Variants in SPAG16 observed in about 807,000 individuals in gnomAD.
SPAG16 encodes sperm-associated antigen 16 protein.
In SPAG16, 86 loss-of-function variants were observed where a neutral mutation model predicts 80.4. The observed-to-expected ratio is 1.07, with a 90% CI of 0.90 to 1.28. SPAG16 has a LOEUF of 1.28. Among genes scored for constraint, SPAG16 ranks in the 50% most tolerant of loss-of-function variants. SPAG16 has a pLI of 0.00. For missense variants in SPAG16, 870 were observed against 765.3 expected (o/e 1.14, Z -1.61); for synonymous variants, 294 against 265.9 (o/e 1.11, Z -1.03).
chr2:214,284,557 T>C (rs1011056023), intron 15 of SPAG16, among the ~76,000 whole-genome samples: 6 of 152,236 alleles, frequency 3.9e-5, no homozygotes, highest in Non-Finnish European at 8.8e-5. Flanking sequence ...AGGAGCACTC[T>C]GCTCCTTTTG....
intron 15 of SPAG16, among the ~76,000 whole-genome samples, chr2:214,298,634 A>C (rs1033451391): frequency 1.3e-5 from 2 of 152,220 alleles, no homozygotes; most frequent in African/African-American, 2.4e-5. Context: ...AACTTAATAC[A>C]AGAAAATGGG....
At position 213,862,697 on chromosome 2, in the gene SPAG16, A is replaced by C. The variant is rs541839830; in HGVS notation, c.1214+69A>C. ...ATGTGCTCCTTTACTCTGTCTGCTCACTCTGCTGTCTTTGATGATGTTTTT... is the reference window on the plus strand; with the variant it reads ...ATGTGCTCCTTTACTCTGTCTGCTCCCTCTGCTGTCTTTGATGATGTTTTT... On this transcript the variant is annotated intron_variant, in intron 11 of 15. Coordinates refer to ENST00000331683, the MANE Select transcript of SPAG16 (RefSeq NM_024532.5). 4 of 1,534,846 alleles carry C rather than the reference A, an allele frequency of 2.6e-6. No homozygotes were observed. The South Asian group carries it at 4.6e-5, about 18-fold the overall frequency.
chr2:213,348,973 C>G (rs1273552664), intron 6 of SPAG16, among the ~76,000 whole-genome samples: 1 of 152,146 alleles, frequency 6.6e-6, no homozygotes, highest in Admixed American at 6.6e-5. Flanking sequence ...AGCCATAAAA[C>G]AAGTCTCTAT....
intron 9 of SPAG16, among the ~76,000 whole-genome samples, chr2:213,451,906 A>C (rs1325835306): frequency 6.6e-6 from 1 of 152,050 alleles, no homozygotes; most frequent in Non-Finnish European, 1.5e-5. Context: ...TTGCAGCTGC[A>C]GGTGTCCCTG....
intron 13 of SPAG16, among the ~76,000 whole-genome samples, chr2:214,095,698 A>G (rs1468346220): frequency 6.6e-6 from 1 of 152,130 alleles, no homozygotes; most frequent in Non-Finnish European, 1.5e-5. Context: ...GGAAGTAAAT[A>G]CTATCATATA....
At chr2:213,811,229 GA>G (rs1202646961) in intron 10 of SPAG16, among the ~76,000 whole-genome samples, 6 of 151,978 alleles carry the variant, frequency 3.9e-5, no homozygotes, top group Non-Finnish European at 7.4e-5. Flanking sequence ...GTAGCTCTTG[GA>G]AATACAAAAT....
chr2:213,906,553 C>G (rs2077443751), intron 11 of SPAG16, among the ~76,000 whole-genome samples: 1 of 152,034 alleles, frequency 6.6e-6, no homozygotes, highest in Non-Finnish European at 1.5e-5. Context: ...GCCTAAATAG[C>G]CAAAATAATT....
At chr2:213,565,376 G>A (rs1032070552) in intron 10 of SPAG16, among the ~76,000 whole-genome samples, 1 of 152,192 alleles carries the variant, frequency 6.6e-6, no homozygotes. Flanking sequence ...TTTGCTTCCA[G>A]CAATGAAAAC....
intron 10 of SPAG16, among the ~76,000 whole-genome samples, chr2:213,654,573 C>T (rs1403441030): frequency 7.2e-6 from 1 of 139,856 alleles, no homozygotes; most frequent in Non-Finnish European, 1.5e-5. Flanking sequence ...AAAAATTAGC[C>T]GGGTGTGGTG....
At chr2:213,789,733 G>A (rs2070571580) in intron 10 of SPAG16, among the ~76,000 whole-genome samples, 1 of 151,860 alleles carries the variant, frequency 6.6e-6, no homozygotes, top group African/African-American at 2.4e-5. Context: ...GCTCTATGAT[G>A]CTAGAATTTC....
At chr2:213,976,265 T>A (rs1304244461) in intron 12 of SPAG16, among the ~76,000 whole-genome samples, 1 of 145,318 alleles carries the variant, frequency 6.9e-6, no homozygotes, top group African/African-American at 2.5e-5. Flanking sequence ...TATACACACA[T>A]ATACATATGC....
chr2:213,351,960 T>C (rs2065353179), intron 7 of SPAG16, among the ~76,000 whole-genome samples: 1 of 152,064 alleles, frequency 6.6e-6, no homozygotes, highest in Admixed American at 6.6e-5. Flanking sequence ...AACTGAATCA[T>C]GGGGGTGGTT....
At chr2:213,852,199 T>C (rs2074940310) in intron 10 of SPAG16, among the ~76,000 whole-genome samples, 1 of 152,214 alleles carries the variant, frequency 6.6e-6, no homozygotes, top group African/African-American at 2.4e-5. Flanking sequence ...AATACCAATA[T>C]ACAAAAGCGG....
chr2:213,992,214 A>G (rs2046318479), intron 12 of SPAG16, among the ~76,000 whole-genome samples: 1 of 152,140 alleles, frequency 6.6e-6, no homozygotes, highest in East Asian at 1.9e-4. Flanking sequence ...CCAAGGTGAT[A>G]TTTTACTGAA....
intron 12 of SPAG16, among the ~76,000 whole-genome samples, chr2:213,954,048 T>C (rs2043992873): frequency 6.6e-6 from 1 of 152,018 alleles, no homozygotes; most frequent in Non-Finnish European, 1.5e-5. Flanking sequence ...TTTAGTACAT[T>C]CAGACAATTG....
At chr2:214,108,917 C>T (rs987711164) in intron 14 of SPAG16, among the ~76,000 whole-genome samples, 4 of 152,168 alleles carry the variant, frequency 2.6e-5, no homozygotes, top group South Asian at 2.1e-4. Flanking sequence ...GAATGTATCC[C>T]TCCAAGTTTA....
At position 213,352,540 on chromosome 2, in the gene SPAG16, C is replaced by T. The variant is rs2065391223; in HGVS notation, c.762+1895C>T. ...TGTACAATATTTGTGTTTCAAGTTG[C>T]TCCTTGATGGTTTAGTGGAAAGAGC... On this transcript the variant is annotated intron_variant, in intron 7 of 15. Coordinates refer to ENST00000331683, the MANE Select transcript of SPAG16 (RefSeq NM_024532.5). Among the ~76,000 whole-genome samples, 4 of 152,152 alleles carry T rather than the reference C, an allele frequency of 2.6e-5. 1 individual carries two copies. The highest frequency in any genetic ancestry group is 9.7e-5 in the African/African-American group (4 of 41,436).
chr2:214,360,064 T>G (rs1363838095), intron 15 of SPAG16, among the ~76,000 whole-genome samples: 1 of 151,846 alleles, frequency 6.6e-6, no homozygotes, highest in Non-Finnish European at 1.5e-5. Flanking sequence ...TCAGCAATTT[T>G]CCCTACCACC....
chr2:213,689,329 A>G (rs1480931375), intron 10 of SPAG16, among the ~76,000 whole-genome samples: 3 of 152,078 alleles, frequency 2.0e-5, no homozygotes, highest in African/African-American at 7.2e-5. Flanking sequence ...TTCTCTTCAC[A>G]TGGTTCAGAT....
Sources: gnomAD v4.1 joint callset for allele counts (sites outside exome capture counted in the v4.1 genomes callset) on GRCh38, gnomAD v4.1.1 for gene constraint, MANE v1.5 for transcripts, NCBI Gene and HGNC (gene_info 2026-07-23, HGNC 2026-07-21) for gene names.